STAC: variants seen among roughly 807,000 people sequenced by gnomAD.
The protein encoded by STAC is SH3 and cysteine rich domain, also known as SH3 and cysteine-rich domain-containing protein.
STAC carries 43 observed loss-of-function variants against 48.8 expected under a neutral mutation model. The observed-to-expected ratio is 0.88, with a 90% CI of 0.69 to 1.14. STAC has a LOEUF of 1.14. STAC is among the 50% of genes most tolerant of loss of function. STAC has a pLI of 0.00. For synonymous variants in STAC, 193 were observed against 179.5 expected (o/e 1.07, Z -0.60); for missense variants, 497 against 504.0 (o/e 0.99, Z 0.13).
At chr3:36,538,787 T>A (rs77423019) in intron 10 of STAC, among the ~76,000 whole-genome samples, 15,631 of 152,248 alleles carry the variant, frequency 0.1, 1,054 homozygotes, top group Non-Finnish European at 0.15. Context: ...GGGCATTTTT[T>A]AAAATAATCT....
chr3:36,486,837 A>C (rs1211208308), intron 5 of STAC, among the ~76,000 whole-genome samples: 1 of 152,198 alleles, frequency 6.6e-6, no homozygotes, highest in Non-Finnish European at 1.5e-5. Context: ...TGTTATCATC[A>C]TCTTGTCTCT....
At chr3:36,479,171 T>C (rs1041619864) in intron 2 of STAC, among the ~76,000 whole-genome samples, 4 of 152,224 alleles carry the variant, frequency 2.6e-5, no homozygotes, top group South Asian at 2.1e-4. Context: ...AAAGTAAATA[T>C]TCTGAACCCC....
chr3:36,449,181 G>T (rs966019717), intron 2 of STAC, among the ~76,000 whole-genome samples: 1 of 152,058 alleles, frequency 6.6e-6, no homozygotes, highest in Non-Finnish European at 1.5e-5. Flanking sequence ...TAAACTATGT[G>T]CTTGGAAAAT....
rs1183288534 is a variant in STAC at position 36,547,602 on chromosome 3, T to C, written c.*1313T>C. On this transcript the variant is annotated 3_prime_UTR_variant, in exon 11 of 11. Transcript: ENST00000273183. Reference sequence around the variant, plus strand: ...GGAATCAATGTCAGTTTGATTTATTTTGTTACAGAGCAATAAAATCATTAG... The same window carrying C: ...GGAATCAATGTCAGTTTGATTTATTCTGTTACAGAGCAATAAAATCATTAG... The C allele has an allele frequency of 6.6e-6, 1 of 152,668 alleles. No homozygotes were observed. The highest frequency in any genetic ancestry group is 1.5e-5 in the Non-Finnish European group (1 of 68,046). 9.5% of individuals were successfully genotyped at this position (152,668 alleles called of 1,614,324 possible).
intron 5 of STAC, among the ~76,000 whole-genome samples, chr3:36,488,138 G>A (rs1225763610): frequency 6.6e-6 from 1 of 152,084 alleles, no homozygotes; most frequent in Non-Finnish European, 1.5e-5. Context: ...TTGCTCTATT[G>A]CCCAGGCTGG....
intron 1 of STAC, among the ~76,000 whole-genome samples, chr3:36,395,223 G>T (rs1457712060): frequency 6.6e-6 from 1 of 152,148 alleles, no homozygotes; most frequent in African/African-American, 2.4e-5. Context: ...AGTTGAAGAG[G>T]TCAGATGAAG....
chr3:36,406,002 C>T (rs1355855749), intron 1 of STAC, among the ~76,000 whole-genome samples: 1 of 152,220 alleles, frequency 6.6e-6, no homozygotes, highest in African/African-American at 2.4e-5. Flanking sequence ...GGATTATACG[C>T]ATGAGCCACA....
intron 10 of STAC, among the ~76,000 whole-genome samples, chr3:36,543,158 T>C (rs1454842949): frequency 6.6e-6 from 1 of 151,784 alleles, no homozygotes; most frequent in African/African-American, 2.4e-5. Flanking sequence ...ACCAAAAGAG[T>C]TCCCCTGTCC....
In STAC at chr3:36,528,928, T is replaced by C. The variant is rs559679564; in HGVS notation, c.1053T>C (p.Cys351=). The change falls in exon 10 of 11, where the codon TGT becomes TGC. Residue 351 remains cysteine, a synonymous_variant. Coordinates refer to ENST00000273183, the MANE Select transcript of STAC (RefSeq NM_003149.3). ...RLQQNEKIFR[C]VRTFIGCKEQ... is the part of the protein sequence containing the mutation. ...AACAAAATGAGAAGATTTTTAGATG[T>C]GTTAGAACCTTCATTGGGTGTAAGG... The C allele has an allele frequency of 9.3e-6, 15 of 1,613,794 alleles. No homozygotes were observed. Among genetic ancestry groups the C allele is most frequent in the African/African-American group, 5.3e-5 (4 of 75,060 alleles).
chr3:36,381,261 C>T (rs1699504673), intron 1 of STAC, among the ~76,000 whole-genome samples: 1 of 152,172 alleles, frequency 6.6e-6, no homozygotes, highest in African/African-American at 2.4e-5. Flanking sequence ...AAGGGTTTGC[C>T]TGCGTTTGTC....
At chr3:36,446,283 C>A (rs1230151868) in intron 2 of STAC, among the ~76,000 whole-genome samples, 1 of 152,204 alleles carries the variant, frequency 6.6e-6, no homozygotes, top group Non-Finnish European at 1.5e-5. Flanking sequence ...GATGCTCAAC[C>A]CAGCTCTTCA....
At chr3:36,424,419 AGATT>A (rs1196547856) in intron 1 of STAC, among the ~76,000 whole-genome samples, 4 of 152,210 alleles carry the variant, frequency 2.6e-5, no homozygotes, top group African/African-American at 4.8e-5. Context: ...TTCTACAGAT[AGATT>A]GATATAAAAA....
intron 2 of STAC, among the ~76,000 whole-genome samples, chr3:36,447,126 G>A (rs4352335): frequency 0.59 from 90,283 of 151,880 alleles, 27,036 homozygotes; most frequent in Non-Finnish European, 0.62. Flanking sequence ...TGATTCCACC[G>A]AGTGGTCCTA....
At chr3:36,448,158 ATTTT>A (rs1413306523) in intron 2 of STAC, among the ~76,000 whole-genome samples, 2 of 100,976 alleles carry the variant, frequency 2.0e-5, no homozygotes, top group Non-Finnish European at 4.2e-5. Flanking sequence ...TGGTCACAGA[ATTTT>A]ATTTTATTTT....
At chr3:36,544,809 C>A (rs1474118969) in intron 10 of STAC, among the ~76,000 whole-genome samples, 1 of 152,180 alleles carries the variant, frequency 6.6e-6, no homozygotes, top group Non-Finnish European at 1.5e-5. Flanking sequence ...AAGTGACCCA[C>A]ATCTGCTCTT....
intron 8 of STAC, among the ~76,000 whole-genome samples, chr3:36,521,746 T>A (rs1698812649): frequency 6.6e-6 from 1 of 152,180 alleles, no homozygotes; most frequent in Non-Finnish European, 1.5e-5. Context: ...AATGCAGGTT[T>A]ACATGAAAAT....
At chr3:36,399,359 C>A (rs1243689724) in intron 1 of STAC, among the ~76,000 whole-genome samples, 1 of 152,012 alleles carries the variant, frequency 6.6e-6, no homozygotes, top group Non-Finnish European at 1.5e-5. Context: ...AATTTTATTA[C>A]AATTTTTGCT....
intron 6 of STAC, among the ~76,000 whole-genome samples, chr3:36,497,589 GA>G (rs1698181256): frequency 6.6e-6 from 1 of 152,072 alleles, no homozygotes; most frequent in African/African-American, 2.4e-5. Context: ...AGACCCTTTT[GA>G]AACATATTAA....
intron 8 of STAC, among the ~76,000 whole-genome samples, chr3:36,519,293 G>T (rs771344858): frequency 8.5e-5 from 13 of 152,220 alleles, no homozygotes; most frequent in Non-Finnish European, 1.6e-4. Flanking sequence ...ACTTGGCAAT[G>T]CTTAGTGAAT....
Sources: gnomAD v4.1 joint callset for allele counts (sites outside exome capture counted in the v4.1 genomes callset) on GRCh38, gnomAD v4.1.1 for gene constraint, MANE v1.5 for transcripts, NCBI Gene and HGNC (gene_info 2026-07-23, HGNC 2026-07-21) for gene names.